Variants in XPO6 observed in about 807,000 individuals in gnomAD.
XPO6 encodes exportin 6, also known as exportin-6.
Under a neutral mutation model 130.0 loss-of-function variants are expected in XPO6, and 3 were observed. The ratio of observed to expected loss-of-function variants is 0.02; its 90% CI spans 0.01 to 0.06. XPO6 has a LOEUF of 0.06. XPO6 is among the 10% of genes least tolerant of loss of function. XPO6 has a pLI of 1.00. For synonymous variants in XPO6, 524 were observed against 548.9 expected (o/e 0.95, Z 0.63); for missense variants, 970 against 1,393.0 (o/e 0.70, Z 4.83).
intron 8 of XPO6, among the ~76,000 whole-genome samples, chr16:28,151,506 C>T (rs528827105): frequency 6.6e-6 from 1 of 152,180 alleles, no homozygotes; most frequent in African/African-American, 2.4e-5. Context: ...CTAAAACAGG[C>T]GAAACTAGTC....
At chr16:28,129,303 A>T (rs557403567) in intron 12 of XPO6, among the ~76,000 whole-genome samples, 13 of 152,164 alleles carry the variant, frequency 8.5e-5, no homozygotes, top group Non-Finnish European at 1.9e-4. Flanking sequence ...CACCACCACA[A>T]AAGTCACGCA....
intron 1 of XPO6, among the ~76,000 whole-genome samples, chr16:28,182,485 C>T (rs1372918476): frequency 6.6e-6 from 1 of 152,126 alleles, no homozygotes; most frequent in East Asian, 1.9e-4. Context: ...ACCTGAACTG[C>T]GACACACTGA....
chr16:28,102,341 A>G (rs568649206), intron 21 of XPO6, among the ~76,000 whole-genome samples: 1 of 152,330 alleles, frequency 6.6e-6, no homozygotes, highest in East Asian at 1.9e-4. Flanking sequence ...AAAAGCCACA[A>G]GCCCTACAGG....
intron 1 of XPO6, among the ~76,000 whole-genome samples, chr16:28,198,746 GT>G (rs1363972975): frequency 6.6e-6 from 1 of 152,088 alleles, no homozygotes; most frequent in Non-Finnish European, 1.5e-5. Context: ...CAGTTTTGTT[GT>G]TTGTTAGTAA....
At chr16:28,147,606 G>A (rs2043008056) in intron 8 of XPO6, among the ~76,000 whole-genome samples, 1 of 152,072 alleles carries the variant, frequency 6.6e-6, no homozygotes, top group South Asian at 2.1e-4. Context: ...ACGACATGAA[G>A]TGAACCAGGA....
rs543534593 is a variant in XPO6 at position 28,120,137 on chromosome 16, G to A, written c.1859+1533C>T. On this transcript the variant is annotated intron_variant, in intron 14 of 23. Transcript: ENST00000304658. ...TGGGATTACAGGTATGAATCATCAC[G>A]TTCAGCCATGCAGTTTATTTTCAAA... Among the ~76,000 whole-genome samples, 14 of 152,184 alleles carry A rather than the reference G, an allele frequency of 9.2e-5. No homozygotes were observed. In the South Asian group the frequency reaches 2.3e-3, roughly 25 times the overall value.
chr16:28,110,239 A>G (rs1408879839), intron 17 of XPO6, among the ~76,000 whole-genome samples: 2 of 152,238 alleles, frequency 1.3e-5, no homozygotes, highest in Non-Finnish European at 2.9e-5. Flanking sequence ...CGTCATTCAC[A>G]TACTACACTG....
Position 28,211,562 on chromosome 16 carries a change from C to T in XPO6, c.-194G>A. The T allele has an allele frequency of 4.3e-6, 2 of 466,894 alleles. No homozygotes were observed. The highest frequency in any genetic ancestry group is 1.1e-4 in the South Asian group (1 of 8,902). 28.9% of individuals were successfully genotyped at this position (466,894 alleles called of 1,614,324 possible). On this transcript the variant is annotated 5_prime_UTR_variant, in exon 1 of 24. Coordinates refer to ENST00000304658, the MANE Select transcript of XPO6 (RefSeq NM_015171.4). ...GCCCGGGTCGCCTCATCGGGGGACC[C>T]CGAGACAATTCATCCAGACCCACCC...
At chr16:28,137,295 T>G (rs112351740) in intron 9 of XPO6, among the ~76,000 whole-genome samples, 58 of 152,386 alleles carry the variant, frequency 3.8e-4, no homozygotes, top group African/African-American at 1.3e-3. Context: ...CCCAGCTTCT[T>G]GCCTTTGTAC....
intron 14 of XPO6, 140 bp downstream of exon 14, chr16:28,121,530 C>T: frequency 1.4e-6 from 1 of 712,646 alleles, no homozygotes. Flanking sequence ...AAAAATCTCT[C>T]TCTCTTTCTA....
chr16:28,120,123 G>A (rs1775887771), intron 14 of XPO6, among the ~76,000 whole-genome samples: 1 of 152,128 alleles, frequency 6.6e-6, no homozygotes. Context: ...GGGATTACAG[G>A]TATGAATCAT....
At chr16:28,205,139 G>C (rs1358229349) in intron 1 of XPO6, among the ~76,000 whole-genome samples, 1 of 152,070 alleles carries the variant, frequency 6.6e-6, no homozygotes, top group African/African-American at 2.4e-5. Flanking sequence ...TTGTTGCAAA[G>C]GGGAAAAAAG....
chr16:28,196,715 G>A (rs1277285435), intron 1 of XPO6, among the ~76,000 whole-genome samples: 2 of 152,094 alleles, frequency 1.3e-5, no homozygotes, highest in African/African-American at 2.4e-5. Context: ...CAAGGAGTTC[G>A]GGGGGTGAGG....
chr16:28,179,532 G>C (rs74014245), intron 2 of XPO6, among the ~76,000 whole-genome samples: 1 of 152,128 alleles, frequency 6.6e-6, no homozygotes, highest in African/African-American at 2.4e-5. Flanking sequence ...TCTGACCCCA[G>C]GTGAGTCACT....
intron 1 of XPO6, among the ~76,000 whole-genome samples, chr16:28,198,819 T>C (rs1444613608): frequency 6.6e-6 from 1 of 152,020 alleles, no homozygotes; most frequent in African/African-American, 2.4e-5. Flanking sequence ...CTTCCGTAAG[T>C]CTTACATTAT....
At chr16:28,166,653 A>C (rs2043361348) in intron 5 of XPO6, 68 bp from the exon 6 acceptor site, 1 of 1,546,636 alleles carries the variant, frequency 6.5e-7, no homozygotes, top group African/African-American at 1.4e-5. Context: ...ATATTTAGAG[A>C]AAGTTTCTTG....
intron 8 of XPO6, among the ~76,000 whole-genome samples, chr16:28,149,068 A>C (rs576550476): frequency 1.3e-3 from 190 of 150,726 alleles, no homozygotes; most frequent in African/African-American, 4.0e-3. Context: ...TAAAAAAAAA[A>C]AAAAACAAAA....
chr16:28,170,015 T>A (rs1208037850), intron 4 of XPO6, 106 bp from the exon 5 acceptor site: 6 of 1,415,736 alleles, frequency 4.2e-6, no homozygotes, highest in Non-Finnish European at 5.8e-6. Context: ...TAATCTTACA[T>A]GAACATAAAT....
intron 8 of XPO6, among the ~76,000 whole-genome samples, chr16:28,147,712 C>A (rs1266967773): frequency 6.6e-6 from 1 of 152,166 alleles, no homozygotes; most frequent in Non-Finnish European, 1.5e-5. Flanking sequence ...TTGGGAGGCC[C>A]AGGCGGGTGG....
Sources: allele counts gnomAD v4.1 joint callset (sites outside exome capture counted in the v4.1 genomes callset), GRCh38; gene constraint gnomAD v4.1.1; transcripts MANE v1.5; gene names NCBI Gene and HGNC (gene_info 2026-07-23, HGNC 2026-07-21).